ZNF438: variants seen among roughly 807,000 people sequenced by gnomAD.
The protein encoded by ZNF438 is zinc finger protein 438.
A neutral mutation model predicts 38.0 loss-of-function variants in ZNF438; 25 were observed. The observed-to-expected ratio is 0.66, with a 90% CI of 0.48 to 0.92. The LOEUF (loss-of-function observed/expected upper bound fraction) is 0.92. Ranked by LOEUF, ZNF438 falls within the 40% of genes least tolerant of loss-of-function variation. The pLI is 0.00. For missense variants in ZNF438, 1,007 were observed against 999.6 expected (o/e 1.01, Z -0.10); for synonymous variants, 372 against 364.1 (o/e 1.02, Z -0.25).
chr10:30,962,698 T>A (rs1258068352), intron 1 of ZNF438, among the ~76,000 whole-genome samples: 1 of 147,312 alleles, frequency 6.8e-6, no homozygotes, highest in African/African-American at 2.4e-5. Flanking sequence ...GAGAAGCAAG[T>A]TGGATATAGC....
intron 4 of ZNF438, among the ~76,000 whole-genome samples, chr10:30,868,915 T>C (rs2994663): frequency 0.12 from 18,322 of 152,326 alleles, 1,460 homozygotes; most frequent in Middle Eastern, 0.24. Context: ...GTTAATGATA[T>C]AAAGGCAGCA....
In ZNF438 at chr10:31,004,019, T is replaced by A. The variant is rs77512113; in HGVS notation, c.-192+27814A>T. The stretch of plus-strand genomic sequence containing the variant: ...ATGTCAGAAAGGTGTTATCCCCAGA[T>A]CCTCAGAAGAGAACTTCAGGCTACA... On this transcript the variant is annotated intron_variant, in intron 1 of 5. Transcript: ENST00000413025. 2.9e-3 allele frequency among the ~76,000 whole-genome samples: 438 copies of A among 152,282 alleles called. 2 individuals carry two copies. The highest frequency in any genetic ancestry group is 9.7e-3 in the African/African-American group (403 of 41,562).
intron 1 of ZNF438, among the ~76,000 whole-genome samples, chr10:31,011,248 G>T (rs1250805586): frequency 1.3e-5 from 2 of 152,170 alleles, no homozygotes; most frequent in African/African-American, 2.4e-5. Flanking sequence ...ACTGTGAGCT[G>T]GCAGGCTAAC....
intron 3 of ZNF438, among the ~76,000 whole-genome samples, chr10:30,887,092 A>G (rs2133927057): frequency 6.6e-6 from 1 of 152,270 alleles, no homozygotes; most frequent in South Asian, 2.1e-4. Flanking sequence ...CCATATCCTC[A>G]ATCACATCCT....
chr10:31,005,553 A>T (rs7901860), intron 1 of ZNF438, among the ~76,000 whole-genome samples: 4,148 of 152,268 alleles, frequency 0.027, 168 homozygotes, highest in East Asian at 0.17. Flanking sequence ...AAAGCTGCAG[A>T]TACGCAGGAT....
At chr10:30,902,351 G>A (rs2042109430) in intron 3 of ZNF438, among the ~76,000 whole-genome samples, 2 of 139,462 alleles carry the variant, frequency 1.4e-5, no homozygotes, top group Admixed American at 7.2e-5. Flanking sequence ...ACAGAGTGTC[G>A]ATTGGTGTAT....
intron 2 of ZNF438, among the ~76,000 whole-genome samples, chr10:30,911,688 C>T (rs2043091833): frequency 1.3e-5 from 2 of 152,240 alleles, no homozygotes; most frequent in South Asian, 2.1e-4. Flanking sequence ...GAGCCAGCCT[C>T]TTTGATGCCT....
chr10:31,006,236 G>C (rs535954016), intron 1 of ZNF438, among the ~76,000 whole-genome samples: 1 of 152,314 alleles, frequency 6.6e-6, no homozygotes, highest in South Asian at 2.1e-4. Context: ...AAAGACCAAA[G>C]CTTGATTAGA....
At chr10:30,934,523 A>G (rs1255204603) in intron 2 of ZNF438, among the ~76,000 whole-genome samples, 2 of 152,268 alleles carry the variant, frequency 1.3e-5, no homozygotes, top group Non-Finnish European at 2.9e-5. Context: ...GTTGATATTA[A>G]TAGCTCATAA....
chr10:30,914,086 G>A (rs976381280), intron 2 of ZNF438, among the ~76,000 whole-genome samples: 2 of 152,088 alleles, frequency 1.3e-5, no homozygotes, highest in African/African-American at 4.8e-5. Flanking sequence ...GATTTTAATG[G>A]AATACCACTT....
chr10:30,910,667 T>C (rs2042985708), intron 2 of ZNF438, among the ~76,000 whole-genome samples: 1 of 145,236 alleles, frequency 6.9e-6, no homozygotes, highest in Non-Finnish European at 1.5e-5. Context: ...AGACGAATCT[T>C]TATTTGTATA....
At chr10:31,006,422 C>T (rs1201859244) in intron 1 of ZNF438, among the ~76,000 whole-genome samples, 1 of 152,160 alleles carries the variant, frequency 6.6e-6, no homozygotes, top group African/African-American at 2.4e-5. Context: ...CATGGAGGTT[C>T]GCAAATGGTG....
chr10:30,878,718 G>A (rs1287500395), intron 3 of ZNF438, among the ~76,000 whole-genome samples: 2 of 152,122 alleles, frequency 1.3e-5, no homozygotes, highest in African/African-American at 4.8e-5. Context: ...CATGCCCTCT[G>A]GGATTCTGGG....
At chr10:30,887,868 T>C (rs2040166734) in intron 3 of ZNF438, among the ~76,000 whole-genome samples, 1 of 152,190 alleles carries the variant, frequency 6.6e-6, no homozygotes, top group East Asian at 1.9e-4. Flanking sequence ...ATCACTGATG[T>C]TTTCTGTCAC....
chr10:30,971,667 T>C (rs1370575533), intron 1 of ZNF438, among the ~76,000 whole-genome samples: 1 of 152,172 alleles, frequency 6.6e-6, no homozygotes, highest in Non-Finnish European at 1.5e-5. Context: ...AGTTAACGTG[T>C]TCAAATTTCT....
intron 3 of ZNF438, among the ~76,000 whole-genome samples, chr10:30,883,242 AGGGGTAT>A (rs539509466): frequency 6.6e-6 from 1 of 152,310 alleles, no homozygotes; most frequent in South Asian, 2.1e-4. Context: ...GTCTGAGGAA[AGGGGTAT>A]GCTCATTTAC....
chr10:30,846,089 C>T (rs543352353), intron 5 of ZNF438, among the ~76,000 whole-genome samples: 5 of 152,326 alleles, frequency 3.3e-5, no homozygotes, highest in East Asian at 1.9e-4. Context: ...TTTTCTTAGA[C>T]ATTTCTGTCC....
At chr10:30,862,243 C>T (rs1246311761) in intron 4 of ZNF438, among the ~76,000 whole-genome samples, 2 of 152,164 alleles carry the variant, frequency 1.3e-5, no homozygotes, top group Non-Finnish European at 2.9e-5. Flanking sequence ...GTGAGCTGCA[C>T]AGATATGGCA....
intron 1 of ZNF438, among the ~76,000 whole-genome samples, chr10:31,028,339 C>T (rs1589779587): frequency 6.6e-6 from 1 of 152,264 alleles, no homozygotes; most frequent in South Asian, 2.1e-4. Context: ...GCCCTGTCAA[C>T]ACTGAGGTAA....
Sources: gnomAD v4.1 joint callset for allele counts (sites outside exome capture counted in the v4.1 genomes callset) on GRCh38, gnomAD v4.1.1 for gene constraint, MANE v1.5 for transcripts, NCBI Gene and HGNC (gene_info 2026-07-23, HGNC 2026-07-21) for gene names.